The following ADGRF5 variants were observed in gnomAD, a reference collection of about 807,000 sequenced individuals.
ADGRF5 encodes the protein G-protein coupled receptor 116.
In ADGRF5, 75 loss-of-function variants were observed where a neutral mutation model predicts 132.3. The ratio of observed to expected loss-of-function variants is 0.57; its 90% CI spans 0.47 to 0.69. ADGRF5 has a LOEUF of 0.69. Among genes scored for constraint, ADGRF5 ranks in the 30% least tolerant of loss-of-function variants. The pLI, the probability that ADGRF5 is intolerant of heterozygous loss-of-function variation, is 0.00. For missense variants in ADGRF5, 1,516 were observed against 1,630.6 expected (o/e 0.93, Z 1.21); for synonymous variants, 629 against 597.6 (o/e 1.05, Z -0.77).
intron 1 of ADGRF5, among the ~76,000 whole-genome samples, chr6:46,939,670 T>G (rs940362162): frequency 6.6e-6 from 1 of 152,202 alleles, no homozygotes; most frequent in Non-Finnish European, 1.5e-5. Flanking sequence ...ATTTTGTTTG[T>G]GAGGACATGG....
chr6:46,936,491 T>C (rs1221981476), intron 1 of ADGRF5, among the ~76,000 whole-genome samples: 1 of 152,194 alleles, frequency 6.6e-6, no homozygotes, highest in Non-Finnish European at 1.5e-5. Flanking sequence ...AGTAGGTGAG[T>C]TTACGTCACA....
intron 15 of ADGRF5, among the ~76,000 whole-genome samples, chr6:46,862,530 A>T (rs2150789231): frequency 6.6e-6 from 1 of 152,072 alleles, no homozygotes; most frequent in East Asian, 1.9e-4. Context: ...TTCTGAAAGG[A>T]TTATAGCAAT....
At position 46,951,799 on chromosome 6, in the gene ADGRF5, C is replaced by T. The variant is rs1281065714; in HGVS notation, c.-25+2935G>A. Among the ~76,000 whole-genome samples the T allele has an allele frequency of 3.3e-5, 5 of 152,314 alleles. No homozygotes were observed. In the East Asian group the frequency reaches 7.7e-4, roughly 24 times the overall value. On this transcript the variant is annotated intron_variant, in intron 1 of 20. Coordinates refer to the ADGRF5 transcript ENST00000265417. ...GATTTCTCTGAGTTGCAGGGCACTG[C>T]TCTCCAGGAGTCACGGGCAAACTGT...
At chr6:46,897,592 T>A (rs1363792553) in intron 3 of ADGRF5, among the ~76,000 whole-genome samples, 1 of 152,180 alleles carries the variant, frequency 6.6e-6, no homozygotes, top group Non-Finnish European at 1.5e-5. Context: ...TTTTTCTCTT[T>A]GAGATGGAGT....
intron 11 of ADGRF5, among the ~76,000 whole-genome samples, chr6:46,871,357 G>T (rs1771038473): frequency 6.6e-6 from 1 of 152,234 alleles, no homozygotes; most frequent in Non-Finnish European, 1.5e-5. Flanking sequence ...GATTATTAAG[G>T]CTTTCTGCAG....
intron 3 of ADGRF5, among the ~76,000 whole-genome samples, chr6:46,896,151 C>G (rs1774158726): frequency 6.6e-6 from 1 of 152,146 alleles, no homozygotes; most frequent in South Asian, 2.1e-4. Flanking sequence ...ATTTATTTAG[C>G]CATAACCATG....
In ADGRF5 at chr6:46,888,363, G is replaced by C. The variant is rs678312; in HGVS notation, c.300C>G (p.Thr100=). 2.5e-6 allele frequency: 4 copies of C among 1,610,626 alleles called. No individual in the cohort carries two copies. The highest frequency in any genetic ancestry group is 3.4e-6 in the Non-Finnish European group (4 of 1,176,880). ...PIHGNNTDQI[T]DILSINVTTV... ...TTGTCACATTTATGCTCAAAATGTC[G>C]GTAATTTGGTCAGTGTTATTCCCAT... Residue 100 remains threonine (T), a synonymous_variant, in exon 4 of 21, where the codon ACC becomes ACG. Transcript: ENST00000283296.
At chr6:46,951,110 G>A (rs1421002039) in intron 1 of ADGRF5, among the ~76,000 whole-genome samples, 3 of 152,312 alleles carry the variant, frequency 2.0e-5, no homozygotes, top group South Asian at 2.1e-4. Flanking sequence ...TTGTTATTAC[G>A]ACGTGTGTTT....
At chr6:46,926,364 G>T (rs1266277801), upstream of ADGRF5, among the ~76,000 whole-genome samples, 2 of 152,176 alleles carry the variant, frequency 1.3e-5, no homozygotes, top group Admixed American at 6.5e-5. Flanking sequence ...CTCCAGTGAT[G>T]CCCCAGCTTC....
chr6:46,931,859 G>T (rs1283000072), intron 1 of ADGRF5, among the ~76,000 whole-genome samples: 2 of 152,204 alleles, frequency 1.3e-5, no homozygotes, highest in Middle Eastern at 3.2e-3. Flanking sequence ...GGCAGAGGTT[G>T]CAGTGAGCTG....
chr6:46,893,058 ATTTTT>A (rs35014340), intron 3 of ADGRF5, among the ~76,000 whole-genome samples: 1 of 86,734 alleles, frequency 1.2e-5, no homozygotes, highest in Non-Finnish European at 2.1e-5. Flanking sequence ...GACAACAGGG[ATTTTT>A]TTTTTTTTTT....
At chr6:46,915,288 T>TTAATAATAA (rs76660188) in intron 1 of ADGRF5, among the ~76,000 whole-genome samples, 14,208 of 149,508 alleles carry the variant, frequency 0.095, 793 homozygotes, top group Non-Finnish European at 0.13. Context: ...CTTGACTATT[T>TTAATAATAA]TAATAATAAT....
chr6:46,944,831 G>C (rs1778240867), intron 1 of ADGRF5, among the ~76,000 whole-genome samples: 1 of 152,148 alleles, frequency 6.6e-6, no homozygotes, highest in African/African-American at 2.4e-5. Context: ...AGAGTTGAGT[G>C]AACCTCTGGC....
intron 10 of ADGRF5, among the ~76,000 whole-genome samples, chr6:46,872,908 A>T (rs771430561): frequency 1.1e-4 from 16 of 152,172 alleles, no homozygotes; most frequent in Admixed American, 2.6e-4. Flanking sequence ...TGGCTGATCA[A>T]TGATATTTGA....
chr6:46,921,569 T>C (rs887371955), intron 1 of ADGRF5, 144 bp downstream of exon 1: 2 of 152,166 alleles, frequency 1.3e-5, no homozygotes, highest in Non-Finnish European at 2.9e-5. Flanking sequence ...TTTCCCAACA[T>C]ACATATCACA....
intron 1 of ADGRF5, among the ~76,000 whole-genome samples, chr6:46,934,662 C>CA (rs1280355320): frequency 6.6e-6 from 1 of 152,130 alleles, no homozygotes; most frequent in Non-Finnish European, 1.5e-5. Flanking sequence ...ATCTACTGTT[C>CA]AAATGCAGGG....
intron 2 of ADGRF5, among the ~76,000 whole-genome samples, chr6:46,903,829 C>T (rs1039444285): frequency 6.6e-6 from 1 of 152,082 alleles, no homozygotes; most frequent in Non-Finnish European, 1.5e-5. Flanking sequence ...TTAAAAATAG[C>T]TACAAATTCA....
Position 46,872,001 on chromosome 6 carries a change from G to A in ADGRF5, c.1253C>T (p.Thr418Ile). The A allele has an allele frequency of 6.3e-7, 1 of 1,597,912 alleles. No homozygotes were observed. ...TCTGCTGCAGCTAGAATCTATGTCT[G>A]TCTCAGGGGTTCCTATAATGAGAAG... Reference protein sequence around the residue: ...GKINIPGTPETDIDSSCSRYT... With the variant: ...GKINIPGTPEIDIDSSCSRYT... The change falls in exon 11 of 21, where the codon ACA becomes ATA. Residue 418 changes from threonine (T) to isoleucine (I), a missense_variant. Physicochemically the swap from Thr to Ile is moderately conservative, Grantham distance 89 (BLOSUM62 -1). This residue lies in a region of ADGRF5 where 945 missense variants were observed against 929.4 expected (regional missense o/e 1.02). Transcript: ENST00000283296.
chr6:46,857,628 C>A (rs1000007775), intron 17 of ADGRF5, among the ~76,000 whole-genome samples: 8 of 152,184 alleles, frequency 5.3e-5, no homozygotes, highest in African/African-American at 1.9e-4. Context: ...GATTGTCTGG[C>A]ATTCACAGGA....
Sources: gnomAD v4.1 joint callset for allele counts (sites outside exome capture counted in the v4.1 genomes callset) on GRCh38, gnomAD v4.1.1 for gene constraint, gnomAD v4.1.1 regional missense constraint, MANE v1.5 for transcripts, NCBI Gene and HGNC (gene_info 2026-07-23, HGNC 2026-07-21) for gene names.